The following CCDC30 variants were observed in gnomAD, a reference collection of about 807,000 sequenced individuals.
CCDC30 encodes coiled-coil domain-containing protein 30.
In CCDC30, 70 loss-of-function variants were observed where a neutral mutation model predicts 100.2. The observed-to-expected ratio is 0.70, with a 90% CI of 0.58 to 0.85. The LOEUF is 0.85. Ranked by LOEUF, CCDC30 falls within the 40% of genes least tolerant of loss-of-function variation. CCDC30 has a pLI of 0.00. For missense variants in CCDC30, 652 were observed against 771.2 expected (o/e 0.85, Z 1.83); for synonymous variants, 233 against 269.5 (o/e 0.86, Z 1.33).
At chr1:42,497,896 C>A (rs574678649) in intron 5 of CCDC30, among the ~76,000 whole-genome samples, 1 of 152,224 alleles carries the variant, frequency 6.6e-6, no homozygotes, top group African/African-American at 2.4e-5. Context: ...ATAGAATCAC[C>A]ATGTGGTCTG....
chr1:42,534,092 CA>C (rs1432342729), intron 6 of CCDC30: 1 of 152,108 alleles, frequency 6.6e-6, no homozygotes, highest in African/African-American at 2.4e-5. Flanking sequence ...TGCCTAAAGG[CA>C]TAACTATATT....
upstream of CCDC30, among the ~76,000 whole-genome samples, chr1:42,462,656 A>C (rs1038295028): frequency 7.2e-5 from 11 of 152,242 alleles, no homozygotes; most frequent in African/African-American, 2.2e-4. Context: ...AGAGCATCTA[A>C]AAAGATGATA....
intron 6 of CCDC30, among the ~76,000 whole-genome samples, chr1:42,518,388 A>G (rs570493541): frequency 2.0e-5 from 3 of 152,294 alleles, no homozygotes; most frequent in African/African-American, 7.2e-5. Context: ...TCTATTTATG[A>G]GATCATATAA....
chr1:42,540,617 C>T (rs954879938), intron 6 of CCDC30, among the ~76,000 whole-genome samples: 2 of 151,558 alleles, frequency 1.3e-5, no homozygotes, highest in African/African-American at 4.9e-5. Context: ...AACATGGTAT[C>T]GTGTTTACCT....
intron 3 of CCDC30, among the ~76,000 whole-genome samples, chr1:42,486,974 G>A (rs371751900): frequency 3.3e-5 from 5 of 152,200 alleles, no homozygotes; most frequent in African/African-American, 1.2e-4. Flanking sequence ...TATAGAGATA[G>A]GAAGTAGATT....
chr1:42,650,497 A>ATATGTGTG (rs1181889086), intron 15 of CCDC30, among the ~76,000 whole-genome samples: 5,023 of 136,186 alleles, frequency 0.037, 108 homozygotes, highest in Middle Eastern at 0.062. Flanking sequence ...AAAAATATAT[A>ATATGTGTG]TGTGTGTGTG....
At chr1:42,638,733 G>A (rs953811290) in intron 12 of CCDC30, among the ~76,000 whole-genome samples, 2 of 151,876 alleles carry the variant, frequency 1.3e-5, no homozygotes, top group African/African-American at 2.4e-5. Context: ...AAAATTAGCC[G>A]AGCATGGTGG....
At chr1:42,484,101 A>T (rs945712911) in intron 3 of CCDC30, among the ~76,000 whole-genome samples, 4 of 127,818 alleles carry the variant, frequency 3.1e-5, no homozygotes, top group East Asian at 2.5e-4. Flanking sequence ...AACAATAATG[A>T]TTATGCCTGT....
Position 42,509,886 on chromosome 1 carries a change from C to G in CCDC30, c.456+10970C>G, listed in dbSNP as rs143936660. ...AAAGCCCACTGGTTAAAAAAAAAAC[C>G]GTAAAACTTTTACCCTTTTGCCAGT... On this transcript the variant is annotated intron_variant, in intron 6 of 16. Transcript: ENST00000668663. Among the ~76,000 whole-genome samples, 11 of 152,148 alleles carry G rather than the reference C, an allele frequency of 7.2e-5. No individual in the cohort carries two copies. The South Asian group carries it at 8.3e-4, about 11-fold the overall frequency.
chr1:42,619,626 G>T (rs1646792537), intron 11 of CCDC30, among the ~76,000 whole-genome samples: 1 of 152,080 alleles, frequency 6.6e-6, no homozygotes. Flanking sequence ...TTATATAGAT[G>T]AAACCTCACA....
chr1:42,539,981 T>C (rs1016113821), intron 6 of CCDC30, among the ~76,000 whole-genome samples: 2 of 151,940 alleles, frequency 1.3e-5, no homozygotes, highest in Non-Finnish European at 2.9e-5. Context: ...AGTCCAATAC[T>C]AGACTGAAAG....
intron 6 of CCDC30, among the ~76,000 whole-genome samples, chr1:42,526,269 A>G (rs538258499): frequency 6.6e-6 from 1 of 152,272 alleles, no homozygotes; most frequent in African/African-American, 2.4e-5. Flanking sequence ...GAGTTGTTTT[A>G]TAAGTATTTT....
intron 5 of CCDC30, among the ~76,000 whole-genome samples, chr1:42,497,603 A>G (rs1045024330): frequency 2.0e-5 from 3 of 152,200 alleles, no homozygotes; most frequent in Non-Finnish European, 4.4e-5. Context: ...CAATTTACTG[A>G]TTTTTAAAAA....
intron 6 of CCDC30, among the ~76,000 whole-genome samples, chr1:42,552,054 C>T (rs1645263147): frequency 6.6e-6 from 1 of 152,186 alleles, no homozygotes; most frequent in Non-Finnish European, 1.5e-5. Context: ...GCATGAGCCA[C>T]TGTACCTAGC....
At chr1:42,615,915 G>GT (rs869032800) in intron 11 of CCDC30, among the ~76,000 whole-genome samples, 6 of 150,792 alleles carry the variant, frequency 4.0e-5, no homozygotes, top group South Asian at 4.2e-4. Flanking sequence ...CTTGTTTTTT[G>GT]TTTTTTTGGT....
At chr1:42,579,852 G>T (rs1394182851) in intron 8 of CCDC30, among the ~76,000 whole-genome samples, 1 of 151,744 alleles carries the variant, frequency 6.6e-6, no homozygotes, top group Non-Finnish European at 1.5e-5. Flanking sequence ...AAAGTTAGCT[G>T]GGCATAGTAG....
intron 14 of CCDC30, among the ~76,000 whole-genome samples, chr1:42,645,411 G>C (rs1442489833): frequency 6.6e-6 from 1 of 152,032 alleles, no homozygotes; most frequent in South Asian, 2.1e-4. Flanking sequence ...CAAATACAGA[G>C]AGATGCAGAA....
At chr1:42,472,278 C>T (rs1334645954) in intron 1 of CCDC30, among the ~76,000 whole-genome samples, 1 of 151,990 alleles carries the variant, frequency 6.6e-6, no homozygotes, top group East Asian at 1.9e-4. Flanking sequence ...GTTAGTGGCT[C>T]TAGTAACACA....
intron 9 of CCDC30, among the ~76,000 whole-genome samples, chr1:42,583,903 T>C (rs990576679): frequency 1.3e-5 from 2 of 152,202 alleles, no homozygotes; most frequent in African/African-American, 4.8e-5. Context: ...CAGTTCTTGC[T>C]GCCTCTAACC....
Sources: allele counts gnomAD v4.1 joint callset (sites outside exome capture counted in the v4.1 genomes callset), GRCh38; gene constraint gnomAD v4.1.1; transcripts MANE v1.5; gene names NCBI Gene and HGNC (gene_info 2026-07-23, HGNC 2026-07-21).